Variants in PPP6R2 observed in about 807,000 individuals in gnomAD.
PPP6R2 encodes serine/threonine-protein phosphatase 6 regulatory subunit 2.
A neutral mutation model predicts 100.2 loss-of-function variants in PPP6R2; 62 were observed. The observed-to-expected ratio is 0.62, with a 90% CI of 0.50 to 0.76. The LOEUF is 0.76. Among genes scored for constraint, PPP6R2 ranks in the 30% least tolerant of loss-of-function variants. The probability of loss-of-function intolerance (pLI) is 0.00; values close to 1 mark genes in which losing one functional copy is unlikely to be tolerated. For synonymous variants in PPP6R2, 525 were observed against 514.7 expected (o/e 1.02, Z -0.27); for missense variants, 1,142 against 1,276.3 (o/e 0.89, Z 1.60).
At chr22:50,437,630 A>G (rs1384008013) in intron 16 of PPP6R2, 27 bp downstream of exon 16, 5 of 1,560,844 alleles carry the variant, frequency 3.2e-6, no homozygotes, top group Non-Finnish European at 4.4e-6. Flanking sequence ...CGCACTCTGC[A>G]CGAGGCGCGG....
chr22:50,339,844 G>GGT (rs754477770), upstream of PPP6R2, among the ~76,000 whole-genome samples: 1 of 118,112 alleles, frequency 8.5e-6, no homozygotes, highest in Non-Finnish European at 1.7e-5. Context: ...TGTGGTGTGT[G>GGT]GTGTGTGTGT....
At chr22:50,339,542 TGTG>T (rs2042345239), upstream of PPP6R2, among the ~76,000 whole-genome samples, 1 of 139,072 alleles carries the variant, frequency 7.2e-6, no homozygotes, top group African/African-American at 2.7e-5. Flanking sequence ...GTGGTGTGTG[TGTG>T]GTGTGTGTGT....
chr22:50,339,581 GTGGT>G (rs2147829390), upstream of PPP6R2, among the ~76,000 whole-genome samples: 1 of 131,170 alleles, frequency 7.6e-6, no homozygotes, highest in Admixed American at 7.8e-5. Context: ...TAGTGTGTGT[GTGGT>G]GTGTGTGGTA....
intron 4 of PPP6R2, 96 bp downstream of exon 4, chr22:50,406,971 C>A: frequency 7.9e-7 from 1 of 1,259,930 alleles, no homozygotes; most frequent in Non-Finnish European, 1.1e-6. Context: ...CATCCTCCGG[C>A]CGCGGGAACA....
At chr22:50,334,716 A>C in the PPP6R2 span, among the ~76,000 whole-genome samples, 1 of 152,110 alleles carries the variant, frequency 6.6e-6, no homozygotes, top group Admixed American at 6.6e-5. Context: ...CTATAATCCT[A>C]GCACTTTGGG....
At chr22:50,353,317 A>G (rs2045727698) in intron 1 of PPP6R2, among the ~76,000 whole-genome samples, 1 of 152,064 alleles carries the variant, frequency 6.6e-6, no homozygotes, top group South Asian at 2.1e-4. Context: ...GGATTAATTG[A>G]CCTAACGTTA....
chr22:50,338,533 G>T (rs1431759982), upstream of PPP6R2, among the ~76,000 whole-genome samples: 2 of 138,202 alleles, frequency 1.4e-5, no homozygotes, highest in African/African-American at 2.8e-5. Context: ...CGGTGTGTGT[G>T]TAGGGTGTGT....
upstream of PPP6R2, among the ~76,000 whole-genome samples, chr22:50,341,253 T>G (rs2042365747): frequency 6.6e-6 from 1 of 151,804 alleles, no homozygotes; most frequent in Non-Finnish European, 1.5e-5. Context: ...TTACCCGGGC[T>G]GGAATGAAGT....
chr22:50,444,323 CTT>C lies in PPP6R2; in HGVS notation c.*87_*88del, dbSNP rs59017944. On this transcript the variant is annotated 3_prime_UTR_variant, in exon 24 of 24. Coordinates refer to ENST00000612753, the MANE Select transcript of PPP6R2 (RefSeq NM_001242898.2). ...CGAGAAAACTACCTGGTGATGCAATCTTTTTTTTTTTTAATTTAATTTAATTT... is the reference window on the plus strand; with the variant it reads ...CGAGAAAACTACCTGGTGATGCAATCTTTTTTTTTTAATTTAATTTAATTT... The C allele has an allele frequency of 0.012, 13,552 of 1,136,032 alleles. No individual in the cohort carries two copies. Among genetic ancestry groups the C allele is most frequent in the Non-Finnish European group, 0.014 (11,461 of 825,960 alleles). 70.4% of individuals were successfully genotyped at this position (1,136,032 alleles called of 1,614,324 possible). A position where few individuals can be genotyped will look rare whatever the true frequency, so the allele number is the denominator to read the frequency against.
chr22:50,424,384 G>A (rs1024651909), intron 10 of PPP6R2, among the ~76,000 whole-genome samples: 26 of 150,830 alleles, frequency 1.7e-4, no homozygotes, highest in East Asian at 3.9e-4. Context: ...AGGTCCGTCC[G>A]CGTGTGGAAG....
Position 50,440,985 on chromosome 22 carries a change from C to T in PPP6R2, c.2538C>T (p.Pro846=). The T allele has an allele frequency of 6.2e-7, 1 of 1,610,368 alleles. No homozygotes were observed. Among genetic ancestry groups the T allele is most frequent in the African/African-American group, 1.3e-5 (1 of 75,012 alleles). The change falls in exon 22 of 24, where the codon CCC becomes CCT. Residue 846 remains proline, a synonymous_variant. Coordinates refer to ENST00000612753, the MANE Select transcript of PPP6R2 (RefSeq NM_001242898.2). Reference sequence around the variant, plus strand: ...GCAGGGGTCCCGGCCGGGAGGCCCCCCCGCTGCCCACAGTGGCCAGGACAG... The same window carrying T: ...GCAGGGGTCCCGGCCGGGAGGCCCCTCCGCTGCCCACAGTGGCCAGGACAG... ...AVSRGPGREA[P]PLPTVARTEE...
intron 2 of PPP6R2, among the ~76,000 whole-genome samples, chr22:50,381,300 C>CCACACGGGCCCCACCTCAGCAT (rs2052904023): frequency 7.4e-6 from 1 of 135,036 alleles, no homozygotes; most frequent in Non-Finnish European, 1.6e-5. Context: ...CACCTCAGCA[C>CCACACGGGCCCCACCTCAGCAT]CACACGGGCC....
At chr22:50,349,082 C>T (rs1216106380) in intron 1 of PPP6R2, among the ~76,000 whole-genome samples, 1 of 151,332 alleles carries the variant, frequency 6.6e-6, no homozygotes, top group Non-Finnish European at 1.5e-5. Flanking sequence ...GTAATCCCAG[C>T]TACTCAGGAG....
Position 50,430,519 on chromosome 22 carries a change from T to C in PPP6R2, c.1126-654T>C, listed in dbSNP as rs111531046. On this transcript the variant is annotated intron_variant, in intron 10 of 23. Transcript: ENST00000612753. ...TTAAAGTTGATTGTATACAGGGAAATGTAGCCTTTAAAGACAGACTGGAAA... is the reference window on the plus strand; with the variant it reads ...TTAAAGTTGATTGTATACAGGGAAACGTAGCCTTTAAAGACAGACTGGAAA... Among the ~76,000 whole-genome samples, 4 of 152,326 alleles carry C rather than the reference T, an allele frequency of 2.6e-5. 1 individual carries two copies. Among genetic ancestry groups the C allele is most frequent in the African/African-American group, 9.6e-5 (4 of 41,558 alleles).
chr22:50,419,765 G>A (rs752109010), intron 8 of PPP6R2, among the ~76,000 whole-genome samples: 1 of 152,150 alleles, frequency 6.6e-6, no homozygotes, highest in African/African-American at 2.4e-5. Flanking sequence ...GGACTGTTCC[G>A]ACAAGTCCCC....
At chr22:50,394,323 A>T (rs12160258) in intron 3 of PPP6R2, among the ~76,000 whole-genome samples, 188 bp downstream of exon 3, 1 of 152,106 alleles carries the variant, frequency 6.6e-6, no homozygotes, top group African/African-American at 2.4e-5. Context: ...GATTGGGTGC[A>T]GTGGCTCACG....
intron 15 of PPP6R2, 46 bp from the exon 16 acceptor site, chr22:50,437,460 C>G: frequency 7.3e-7 from 1 of 1,377,442 alleles, no homozygotes; most frequent in Non-Finnish European, 1.0e-6. Context: ...GATGCCTCCT[C>G]CATGACCGGT....
At chr22:50,354,466 T>C (rs1395319459) in intron 1 of PPP6R2, among the ~76,000 whole-genome samples, 1 of 152,076 alleles carries the variant, frequency 6.6e-6, no homozygotes, top group East Asian at 1.9e-4. Context: ...AAGTTTTGGA[T>C]TGGAGTGCTT....
rs978306226 is a variant in PPP6R2, at chr22:50,442,810, C to T, written c.2580-1056C>T. 4.0e-5 allele frequency among the ~76,000 whole-genome samples: 6 copies of T among 151,624 alleles called. No individual in the cohort carries two copies. In the East Asian group the frequency reaches 8.0e-4, roughly 20 times the overall value. On this transcript the variant is annotated intron_variant, in intron 22 of 23. Transcript: ENST00000612753. ...CTCATGATCCGCCTGCCTCGGCCTCCCAAAGTGCTGGGATTACAGGTGTGA... is the reference window on the plus strand; with the variant it reads ...CTCATGATCCGCCTGCCTCGGCCTCTCAAAGTGCTGGGATTACAGGTGTGA...
Sources: gnomAD v4.1 joint callset for allele counts (sites outside exome capture counted in the v4.1 genomes callset) on GRCh38, gnomAD v4.1.1 for gene constraint, MANE v1.5 for transcripts, NCBI Gene and HGNC (gene_info 2026-07-23, HGNC 2026-07-21) for gene names.